HUWE1: variants seen among roughly 807,000 people sequenced by gnomAD.
HUWE1 encodes E3 ubiquitin-protein ligase HUWE1.
In HUWE1, 18 loss-of-function variants were observed where a neutral mutation model predicts 299.4. That is an observed-to-expected ratio of 0.06 (90% confidence interval 0.04 to 0.09). The LOEUF is 0.09. Ranked by LOEUF, HUWE1 falls within the 10% of genes least tolerant of loss-of-function variation. HUWE1 has a pLI of 1.00. For synonymous variants in HUWE1, 1,317 were observed against 1,286.1 expected (o/e 1.02, Z -0.51); for missense variants, 1,832 against 3,462.3 (o/e 0.53, Z 11.82).
At chrX:53,660,890 CTCAAG>C (rs10533508) in intron 3 of HUWE1, among the ~76,000 whole-genome samples, 43,969 of 109,539 alleles carry the variant, frequency 0.4, 7,938 homozygotes, top group Non-Finnish European at 0.54. Flanking sequence ...GTCCTCACCA[CTCAAG>C]TCAAGTTTTG....
At chrX:53,624,064 AC>A (rs1264851572) in intron 19 of HUWE1, among the ~76,000 whole-genome samples, 2 of 112,579 alleles carry the variant, frequency 1.8e-5, no homozygotes, top group Admixed American at 1.9e-4. Flanking sequence ...CTGAATTCTG[AC>A]CTTTATTTCA....
chrX:53,534,920 C>G (rs1249256033), intron 81 of HUWE1, among the ~76,000 whole-genome samples: 1 of 109,625 alleles, frequency 9.1e-6, no homozygotes, highest in Non-Finnish European at 1.9e-5. Flanking sequence ...GCCACTGTGT[C>G]CAGTGAAGTT....
In HUWE1 at chrX:53,534,781, C is replaced by T. The variant is rs1042801476; in HGVS notation, c.12650-84G>A. The T allele has an allele frequency of 1.7e-5, 14 of 843,377 alleles. No individual in the cohort carries two copies. In the African/African-American group the frequency reaches 2.6e-4, roughly 16 times the overall value. The allele number at this position is 843,377 out of a possible 1,213,427, so 69.5% of individuals were successfully genotyped here. ...AGATCCCCCATCTGGCTCCCATCTA[C>T]CACTGTTAGCTGGGACTACAGGCAT... On this transcript the variant is annotated intron_variant, in intron 81 of 83. Transcript: ENST00000262854.
rs199784760 is a variant in HUWE1 at position 53,536,294 on chromosome X, G to C, written c.12426-42C>G. 777 of 1,141,919 alleles carry C rather than the reference G, an allele frequency of 6.8e-4. No individual in the cohort carries two copies. Among genetic ancestry groups the C allele is most frequent in the Non-Finnish European group, 8.6e-4 (719 of 833,634 alleles). 94.1% of individuals were successfully genotyped at this position (1,141,919 alleles called of 1,213,427 possible). On this transcript the variant is annotated intron_variant, in intron 79 of 83. Coordinates refer to ENST00000262854, the MANE Select transcript of HUWE1 (RefSeq NM_031407.7). ...ATACAGGGTCATGGTTTGCGAGTGG[G>C]GGGGAAGAAGGAGCACAAGGATGGG... is the stretch of plus-strand genomic sequence containing the variant.
At chrX:53,621,929 A>G (rs1316584178) in intron 19 of HUWE1, among the ~76,000 whole-genome samples, 1 of 112,108 alleles carries the variant, frequency 8.9e-6, no homozygotes, top group East Asian at 2.8e-4. Flanking sequence ...AACAGACCCG[A>G]ACAGATAACA....
rs782369956 is a variant in HUWE1, at chrX:53,538,932, C to T, written c.11781G>A (p.Thr3927=). 9 of 1,205,261 alleles carry T rather than the reference C, an allele frequency of 7.5e-6. No individual in the cohort carries two copies. In the Admixed American group the frequency reaches 1.1e-4, roughly 15 times the overall value. ...PLSPAPLTPA[T]PSSLDPFFSR... Reference sequence around the variant, plus strand: ...AGAAGAATGGGTCAAGGGAGGAAGGCGTGGCTGGGGTTAAGGGGGCAGGGG... The same window carrying T: ...AGAAGAATGGGTCAAGGGAGGAAGGTGTGGCTGGGGTTAAGGGGGCAGGGG... Residue 3927 remains threonine (T), a synonymous_variant, in exon 76 of 84, where the codon ACG becomes ACA. Coordinates refer to ENST00000262854, the MANE Select transcript of HUWE1 (RefSeq NM_031407.7).
intron 31 of HUWE1, 65 bp downstream of exon 31, chrX:53,594,434 G>A: frequency 1.8e-6 from 2 of 1,142,633 alleles, no homozygotes; most frequent in Non-Finnish European, 2.4e-6. Flanking sequence ...GCAGTGGGCT[G>A]GGAAGGCACA....
At chrX:53,627,287 G>C (rs1332626372) in intron 17 of HUWE1, 123 bp downstream of exon 17, 3 of 425,892 alleles carry the variant, frequency 7.0e-6, no homozygotes, top group African/African-American at 5.0e-5. Context: ...AAAAATTTTT[G>C]TTGCTGAAAG....
At chrX:53,599,063 G>A (rs985187044) in intron 29 of HUWE1, among the ~76,000 whole-genome samples, 2 of 112,055 alleles carry the variant, frequency 1.8e-5, no homozygotes, top group African/African-American at 6.5e-5. Context: ...CTGCTTTCAG[G>A]TGAACAGATA....
At chrX:53,643,898 A>G (rs1258892763) in intron 7 of HUWE1, among the ~76,000 whole-genome samples, 1 of 111,567 alleles carries the variant, frequency 9.0e-6, no homozygotes, top group African/African-American at 3.3e-5. Flanking sequence ...ATCCTGGCTC[A>G]TTGCAGCCTT....
At chrX:53,655,090 C>T (rs781914552) in intron 3 of HUWE1, among the ~76,000 whole-genome samples, 4 of 110,899 alleles carry the variant, frequency 3.6e-5, no homozygotes, top group Non-Finnish European at 7.6e-5. Context: ...ACAAGTCCTC[C>T]AAAGCACAAG....
chrX:53,538,964 G>C lies in HUWE1; in HGVS notation c.11749C>G (p.Pro3917Ala). 8.3e-7 allele frequency: 1 copy of C among 1,208,699 alleles called. No homozygotes were observed. Among genetic ancestry groups the C allele is most frequent in the Non-Finnish European group, 1.1e-6 (1 of 894,359 alleles). ...GGGGTTAAGGGGGCAGGGGAGAGTG[G>C]AGGAGGCTCGTCCTTGATGTGTGCC... is the stretch of plus-strand genomic sequence containing the variant. ...QLAHIKDEPP[P>A]LSPAPLTPAT... The change falls in exon 76 of 84, where the codon CCA becomes GCA. Residue 3917 changes from proline to alanine, a missense_variant. This residue lies in a region of HUWE1 where 129 missense variants were observed against 439.4 expected (regional missense o/e 0.29). Transcript: ENST00000262854.
At chrX:53,581,737 G>GT (rs2063626646) in intron 42 of HUWE1, among the ~76,000 whole-genome samples, 1 of 110,436 alleles carries the variant, frequency 9.1e-6, no homozygotes. Context: ...CTGTCTGGCT[G>GT]TAATTATAAA....
At chrX:53,586,392 ACTTCT>A in intron 39 of HUWE1, 93 bp downstream of exon 39, 1 of 547,109 alleles carries the variant, frequency 1.8e-6, no homozygotes, top group Non-Finnish European at 3.2e-6. Flanking sequence ...TTGGTCAGAG[ACTTCT>A]ATATTCTTCA....
At chrX:53,655,852 A>T (rs1434343967) in intron 3 of HUWE1, among the ~76,000 whole-genome samples, 1 of 112,035 alleles carries the variant, frequency 8.9e-6, no homozygotes, top group African/African-American at 3.3e-5. Context: ...TGTTATCATG[A>T]CTTTTATTCA....
At chrX:53,542,908 G>A (rs1185114919) in intron 73 of HUWE1, 1 of 161,830 alleles carries the variant, frequency 6.2e-6, no homozygotes, top group Non-Finnish European at 1.1e-5. Flanking sequence ...AAATTCAGAT[G>A]GGTGGAAGGT....
intron 22 of HUWE1, among the ~76,000 whole-genome samples, chrX:53,615,527 C>T (rs1182428964): frequency 9.0e-6 from 1 of 111,630 alleles, no homozygotes; most frequent in Non-Finnish European, 1.9e-5. Context: ...TGCACCCAGG[C>T]TAAAAAAATT....
intron 44 of HUWE1, 130 bp from the exon 45 acceptor site, chrX:53,575,918 C>T (rs1335882301): frequency 1.2e-5 from 8 of 676,551 alleles, no homozygotes; most frequent in Non-Finnish European, 1.6e-5. Flanking sequence ...GGTGCTATTA[C>T]AGATAATGTT....
intron 7 of HUWE1, among the ~76,000 whole-genome samples, chrX:53,639,153 A>G (rs1173773151): frequency 8.9e-6 from 1 of 112,212 alleles, no homozygotes; most frequent in East Asian, 2.8e-4. Context: ...ATGGTTTTAC[A>G]GAGTAGGAAA....
Sources: gnomAD v4.1 joint callset for allele counts (sites outside exome capture counted in the v4.1 genomes callset) on GRCh38, gnomAD v4.1.1 for gene constraint, gnomAD v4.1.1 regional missense constraint, MANE v1.5 for transcripts, NCBI Gene and HGNC (gene_info 2026-07-23, HGNC 2026-07-21) for gene names.